SVOP: variants seen among roughly 807,000 people sequenced by gnomAD.
The protein encoded by SVOP is SV2 related protein.
In SVOP, 17 loss-of-function variants were observed where a neutral mutation model predicts 69.1. The observed-to-expected ratio is 0.25, with a 90% CI of 0.17 to 0.37. The LOEUF is 0.37. Ranked by LOEUF, SVOP falls within the 10% of genes least tolerant of loss-of-function variation. The pLI, the probability that SVOP is intolerant of heterozygous loss-of-function variation, is 1.00. For missense variants in SVOP, 435 were observed against 597.5 expected (o/e 0.73, Z 2.84); for synonymous variants, 238 against 238.6 (o/e 1.00, Z 0.02).
At chr12:108,940,495 T>TG (rs2039884153) in intron 8 of SVOP, among the ~76,000 whole-genome samples, 1 of 152,204 alleles carries the variant, frequency 6.6e-6, no homozygotes, top group Non-Finnish European at 1.5e-5. Context: ...GAGTCTCAAC[T>TG]AGTGCAATAC....
intron 1 of SVOP, among the ~76,000 whole-genome samples, chr12:108,986,575 T>A (rs2137440890): frequency 6.6e-6 from 1 of 152,282 alleles, no homozygotes; most frequent in South Asian, 2.1e-4. Context: ...CCATCCTGTC[T>A]CCATCGCTCA....
intron 12 of SVOP, among the ~76,000 whole-genome samples, chr12:108,920,160 C>A (rs2039739687): frequency 6.6e-6 from 1 of 152,238 alleles, no homozygotes; most frequent in Non-Finnish European, 1.5e-5. Context: ...GGGAGTGGAT[C>A]CTGCCCCAGC....
chr12:108,967,050 C>T (rs1206891086), intron 5 of SVOP, among the ~76,000 whole-genome samples: 3 of 152,172 alleles, frequency 2.0e-5, no homozygotes, highest in Non-Finnish European at 4.4e-5. Context: ...ATCCCACCTA[C>T]AGATGAGAAA....
chr12:108,987,292 G>A (rs1034658770), intron 1 of SVOP, among the ~76,000 whole-genome samples: 1 of 152,156 alleles, frequency 6.6e-6, no homozygotes, highest in African/African-American at 2.4e-5. Context: ...TCCTTTTTAA[G>A]GCTGAATAAT....
At chr12:108,998,652 A>G (rs1226871059) in intron 1 of SVOP, among the ~76,000 whole-genome samples, 1 of 152,198 alleles carries the variant, frequency 6.6e-6, no homozygotes, top group Non-Finnish European at 1.5e-5. Context: ...GTGGGGGCCA[A>G]TATTCAACAT....
At chr12:108,953,533 T>C (rs2039969091) in intron 6 of SVOP, among the ~76,000 whole-genome samples, 1 of 152,230 alleles carries the variant, frequency 6.6e-6, no homozygotes, top group South Asian at 2.1e-4. Flanking sequence ...CAAAATCTTT[T>C]TCATCTGGTT....
intron 4 of SVOP, among the ~76,000 whole-genome samples, chr12:108,974,546 C>T (rs1037824171): frequency 2.6e-5 from 4 of 151,940 alleles, no homozygotes; most frequent in African/African-American, 4.8e-5. Flanking sequence ...GCCTGGGCAA[C>T]GTGGTGAAAC....
At chr12:108,986,908 T>C (rs2040168869) in intron 1 of SVOP, among the ~76,000 whole-genome samples, 1 of 152,198 alleles carries the variant, frequency 6.6e-6, no homozygotes. Flanking sequence ...ACCTCTTCTA[T>C]ACATTGGTGT....
At chr12:108,923,399 T>G (rs556270077) in intron 11 of SVOP, among the ~76,000 whole-genome samples, 1 of 152,220 alleles carries the variant, frequency 6.6e-6, no homozygotes, top group South Asian at 2.1e-4. Context: ...GCAGCCTCAG[T>G]TGACAGCCAG....
At chr12:109,018,997 A>G (rs1345459181) in intron 1 of SVOP, among the ~76,000 whole-genome samples, 1 of 152,218 alleles carries the variant, frequency 6.6e-6, no homozygotes, top group African/African-American at 2.4e-5. Flanking sequence ...AGGAAGTGGC[A>G]TAGTAAGGAT....
chr12:108,958,428 G>A (rs1268594951), intron 6 of SVOP, among the ~76,000 whole-genome samples: 2 of 152,046 alleles, frequency 1.3e-5, no homozygotes, highest in East Asian at 1.9e-4. Context: ...CATGCTGTAC[G>A]GGTGTGTAGC....
chr12:109,002,882 G>A (rs1009998306), intron 1 of SVOP, among the ~76,000 whole-genome samples: 2 of 150,912 alleles, frequency 1.3e-5, no homozygotes, highest in Non-Finnish European at 1.5e-5. Context: ...TGGGTGCAAT[G>A]CACCAGCATG....
In SVOP at chr12:108,983,631, C is replaced by T. The variant is rs1325072791; in HGVS notation, c.166G>A (p.Val56Met). Reference protein sequence around the residue: ...EAVELDDGAAVPKEFANPTDD... With the variant: ...EAVELDDGAAMPKEFANPTDD... ...GTGGGATTGGCAAACTCCTTGGGCA[C>T]AGCTGCCCCATCATCCAGCTCCACA... The change falls in exon 2 of 16, where the codon GTG (valine) becomes ATG (methionine). Residue 56 changes from valine to methionine, a missense_variant. Transcript: ENST00000610966. 4.0e-5 allele frequency: 16 copies of T among 398,732 alleles called. No individual in the cohort carries two copies. The highest frequency in any genetic ancestry group is 6.2e-5 in the African/African-American group (3 of 48,644). The allele number at this position is 398,732 out of a possible 1,614,324, so 24.7% of individuals were successfully genotyped here.
rs1044176784 is a variant in SVOP, at chr12:108,980,536, G to A, written c.197-1873C>T. On this transcript the variant is annotated intron_variant, in intron 2 of 15. Transcript: ENST00000610966. ...GGCCAAGGCGAGCAGATCACCTGAG[G>A]CCAGGAGTTTGACACCATCCTGGCC... 7.1e-3 allele frequency among the ~76,000 whole-genome samples: 1,073 copies of A among 151,992 alleles called. 16 individuals are homozygous for A. The highest frequency in any genetic ancestry group is 0.025 in the African/African-American group (1,016 of 41,404).
chr12:108,936,892 T>C (rs2039859785), intron 10 of SVOP: 1 of 207,068 alleles, frequency 4.8e-6, no homozygotes, highest in Admixed American at 5.4e-5. Flanking sequence ...AATTAAGGTG[T>C]TTTCTTTTAA....
intron 6 of SVOP, among the ~76,000 whole-genome samples, chr12:108,948,177 C>G (rs988571139): frequency 6.6e-6 from 1 of 152,166 alleles, no homozygotes; most frequent in Non-Finnish European, 1.5e-5. Flanking sequence ...TCCCTGTGTG[C>G]TCAGGTGAGT....
chr12:108,967,046 C>A (rs190112787), intron 5 of SVOP, among the ~76,000 whole-genome samples: 1 of 152,100 alleles, frequency 6.6e-6, no homozygotes, highest in South Asian at 2.1e-4. Context: ...TATTATCCCA[C>A]CTACAGATGA....
At chr12:108,986,280 C>G (rs2040165431) in intron 1 of SVOP, among the ~76,000 whole-genome samples, 1 of 152,166 alleles carries the variant, frequency 6.6e-6, no homozygotes, top group South Asian at 2.1e-4. Context: ...TGCCCACAGT[C>G]CCATAACTAA....
At chr12:108,938,734 T>C in intron 9 of SVOP, 93 bp downstream of exon 9, 1 of 1,575,358 alleles carries the variant, frequency 6.3e-7, no homozygotes, top group South Asian at 1.2e-5. Context: ...TACCCACATG[T>C]GTCCTCGCAT....
Sources: gnomAD v4.1 joint callset for allele counts (sites outside exome capture counted in the v4.1 genomes callset) on GRCh38, gnomAD v4.1.1 for gene constraint, MANE v1.5 for transcripts, NCBI Gene and HGNC (gene_info 2026-07-23, HGNC 2026-07-21) for gene names.